Variants in CYP7B1 observed in about 807,000 individuals in gnomAD.
The protein encoded by CYP7B1 is cytochrome P450 7B1.
Under a neutral mutation model 42.7 loss-of-function variants are expected in CYP7B1, and 29 were observed. That is an observed-to-expected ratio of 0.68 (90% CI 0.51 to 0.93). The LOEUF is 0.93. Among genes scored for constraint, CYP7B1 ranks in the 40% least tolerant of loss-of-function variants. The pLI is 0.00. For synonymous variants in CYP7B1, 235 were observed against 218.2 expected, an observed-to-expected ratio of 1.08 and a Z score of -0.68; for missense variants, 655 against 600.5, an observed-to-expected ratio of 1.09 and a Z score of -0.95.
chr8:64,753,089 A>C (rs1207076053), intron 1 of CYP7B1, among the ~76,000 whole-genome samples: 1 of 152,224 alleles, frequency 6.6e-6, no homozygotes, highest in Non-Finnish European at 1.5e-5. Context: ...TTTTCCACTG[A>C]AGATTTAAAG....
At position 64,596,678 on chromosome 8, in the gene CYP7B1, A is replaced by C. The variant is rs1192513250; in HGVS notation, c.1485T>G (p.Asp495Glu). Residue 495 changes from aspartate to glutamate, a missense_variant, in exon 6 of 6, where the codon GAT becomes GAG. Physicochemically the swap from Asp to Glu is conservative, Grantham distance 45 (BLOSUM62 2). Coordinates refer to ENST00000310193, the MANE Select transcript of CYP7B1 (RefSeq NM_004820.5). The part of the protein sequence containing the change: ...SRLLFGIQYP[D>E]SDVLFRYKVK... Reference sequence around the variant, plus strand: ...CTTTGTATCTAAATAAAACATCAGAATCTGGATACTGAATACCAAACAACA... The same window carrying C: ...CTTTGTATCTAAATAAAACATCAGACTCTGGATACTGAATACCAAACAACA... 3 of 1,613,392 alleles carry C rather than the reference A, an allele frequency of 1.9e-6. No homozygotes were observed. The highest frequency in any genetic ancestry group is 8.5e-7 in the Non-Finnish European group (1 of 1,179,768).
rs992162238 is a variant in CYP7B1 at position 64,591,671 on chromosome 8, G to A, written c.*4971C>T. 2.0e-5 allele frequency among the ~76,000 whole-genome samples: 3 copies of A among 152,248 alleles called. No homozygotes were observed. The South Asian group carries it at 6.2e-4, about 32-fold the overall frequency. ...CAAAACTTAATTATAAAATGGAGAT[G>A]AAGTAAGGAAGTATGCCAGGAAAGC... On this transcript the variant is annotated 3_prime_UTR_variant, in exon 6 of 6. Coordinates refer to ENST00000310193, the MANE Select transcript of CYP7B1 (RefSeq NM_004820.5).
chr8:64,669,486 T>A (rs983630023), intron 1 of CYP7B1, among the ~76,000 whole-genome samples: 1 of 152,100 alleles, frequency 6.6e-6, no homozygotes, highest in Non-Finnish European at 1.5e-5. Context: ...GCTTTTCACT[T>A]TTTACTCTTT....
At chr8:64,649,395 C>T (rs549619479) in intron 1 of CYP7B1, among the ~76,000 whole-genome samples, 2 of 152,194 alleles carry the variant, frequency 1.3e-5, no homozygotes, top group African/African-American at 2.4e-5. Flanking sequence ...AATTTTCTTC[C>T]GTTTTAAGGC....
chr8:64,656,655 C>T (rs1806125188), intron 1 of CYP7B1, among the ~76,000 whole-genome samples: 1 of 152,178 alleles, frequency 6.6e-6, no homozygotes, highest in Non-Finnish European at 1.5e-5. Context: ...TGAGGTCACA[C>T]AATCAAAGAT....
At chr8:64,769,257 T>C (rs773160503) in intron 1 of CYP7B1, among the ~76,000 whole-genome samples, 2 of 152,152 alleles carry the variant, frequency 1.3e-5, no homozygotes, top group Non-Finnish European at 2.9e-5. Context: ...GAAAACATCA[T>C]AACAAACACA....
chr8:64,631,217 C>A (rs992059005), intron 1 of CYP7B1, among the ~76,000 whole-genome samples: 1 of 152,082 alleles, frequency 6.6e-6, no homozygotes, highest in Non-Finnish European at 1.5e-5. Flanking sequence ...TTGAATCCAA[C>A]AATGTATAAT....
At chr8:64,641,636 C>T (rs905309717) in intron 1 of CYP7B1, among the ~76,000 whole-genome samples, 1 of 152,124 alleles carries the variant, frequency 6.6e-6, no homozygotes, top group African/African-American at 2.4e-5. Flanking sequence ...AAGGAAACAT[C>T]TGATACACTG....
chr8:64,666,443 T>C (rs1295024581), intron 1 of CYP7B1, among the ~76,000 whole-genome samples: 1 of 151,782 alleles, frequency 6.6e-6, no homozygotes, highest in Non-Finnish European at 1.5e-5. Context: ...TGAAAGAGAG[T>C]AATAAGAACA....
At chr8:64,650,042 GAA>G (rs1806014709) in intron 1 of CYP7B1, among the ~76,000 whole-genome samples, 1 of 152,048 alleles carries the variant, frequency 6.6e-6, no homozygotes, top group Non-Finnish European at 1.5e-5. Context: ...CCTTTGATGT[GAA>G]AAAGTTTTTA....
chr8:64,762,764 A>G (rs1184076160), intron 1 of CYP7B1, among the ~76,000 whole-genome samples: 1 of 152,240 alleles, frequency 6.6e-6, no homozygotes, highest in African/African-American at 2.4e-5. Context: ...TATCTTAGGA[A>G]CAAAATTAAC....
chr8:64,659,649 A>G (rs1315927571), intron 1 of CYP7B1, among the ~76,000 whole-genome samples: 1 of 152,222 alleles, frequency 6.6e-6, no homozygotes, highest in Non-Finnish European at 1.5e-5. Flanking sequence ...TTTTTGATAT[A>G]AAACATTAGC....
At chr8:64,643,149 A>ATATATACATATATACATG (rs1805889339) in intron 1 of CYP7B1, among the ~76,000 whole-genome samples, 1 of 122,334 alleles carries the variant, frequency 8.2e-6, no homozygotes, top group East Asian at 2.4e-4. Flanking sequence ...ATATATACAT[A>ATATATACATATATACATG]TATACATATA....
intron 1 of CYP7B1, among the ~76,000 whole-genome samples, chr8:64,797,206 CA>C (rs1330083712): frequency 1.3e-5 from 2 of 152,122 alleles, no homozygotes; most frequent in Non-Finnish European, 2.9e-5. Context: ...ATTCTCACAC[CA>C]ATCACCTTCA....
intron 1 of CYP7B1, among the ~76,000 whole-genome samples, chr8:64,724,961 C>A (rs536168280): frequency 6.6e-6 from 1 of 152,340 alleles, no homozygotes; most frequent in South Asian, 2.1e-4. Flanking sequence ...TCTGACCTAA[C>A]CTTGTCCGAT....
At chr8:64,599,899 G>T (rs1000693790) in intron 5 of CYP7B1, among the ~76,000 whole-genome samples, 15 of 152,206 alleles carry the variant, frequency 9.9e-5, no homozygotes, top group Non-Finnish European at 2.1e-4. Flanking sequence ...TAAAGACAGA[G>T]CTAACCTACA....
rs773787172 is a variant in CYP7B1 at position 64,615,691 on chromosome 8, C to G, written c.850G>C (p.Ala284Pro). Residue 284 changes from alanine to proline, a missense_variant and splice_region_variant, in exon 3 of 6, where the codon GCA becomes CCA. Ala to Pro is a conservative substitution (Grantham distance 27). Coordinates refer to ENST00000310193, the MANE Select transcript of CYP7B1 (RefSeq NM_004820.5). Reference protein sequence around the residue: ...YYVHEDLEIGAHHLGFLWASV... With the variant: ...YYVHEDLEIGPHHLGFLWASV... ...CAAGTGCTCATTCAGAAGTTCTTAC[C>G]TCCTATTTCAAGGTCCTCGTGCACA... 1 of 1,612,946 alleles carries G rather than the reference C, an allele frequency of 6.2e-7. No individual in the cohort carries two copies. The highest frequency in any genetic ancestry group is 8.5e-7 in the Non-Finnish European group (1 of 1,179,194).
At chr8:64,619,885 T>C (rs1805501463) in intron 2 of CYP7B1, among the ~76,000 whole-genome samples, 1 of 152,170 alleles carries the variant, frequency 6.6e-6, no homozygotes, top group Non-Finnish European at 1.5e-5. Flanking sequence ...TATAGATATA[T>C]ATACATATAT....
chr8:64,653,214 G>T (rs1000006756), intron 1 of CYP7B1, among the ~76,000 whole-genome samples: 21 of 152,078 alleles, frequency 1.4e-4, no homozygotes, highest in Non-Finnish European at 2.6e-4. Context: ...TCCAGGAGTT[G>T]GTTTCTTGAA....
Sources: allele counts gnomAD v4.1 joint callset (sites outside exome capture counted in the v4.1 genomes callset), GRCh38; gene constraint gnomAD v4.1.1; transcripts MANE v1.5; gene names NCBI Gene and HGNC (gene_info 2026-07-23, HGNC 2026-07-21).